Variants in OIT3 observed in about 807,000 individuals in gnomAD.
The protein encoded by OIT3 is oncoprotein-induced transcript 3 protein.
In OIT3, 41 loss-of-function variants were observed where a neutral mutation model predicts 52.2. That is an observed-to-expected ratio of 0.79 (90% CI 0.61 to 1.02). The LOEUF (loss-of-function observed/expected upper bound fraction) is 1.02. Ranked by LOEUF, OIT3 falls within the 50% of genes least tolerant of loss-of-function variation. The probability of loss-of-function intolerance (pLI) is 0.00; values close to 1 mark genes in which losing one functional copy is unlikely to be tolerated. For missense variants in OIT3, 634 were observed against 715.5 expected (o/e 0.89, Z 1.30); for synonymous variants, 244 against 276.9 (o/e 0.88, Z 1.18).
In OIT3 at chr10:72,932,974, A is replaced by T. The variant is rs1589533830; in HGVS notation, c.*450A>T. 6.5e-6 allele frequency: 1 copy of T among 154,766 alleles called. No homozygotes were observed. The highest frequency in any genetic ancestry group is 2.4e-5 in the African/African-American group (1 of 41,578). The allele number at this position is 154,766 out of a possible 1,614,324, so 9.6% of individuals were successfully genotyped here. A position where few individuals can be genotyped will look rare whatever the true frequency, so the allele number is the denominator to read the frequency against. On this transcript the variant is annotated 3_prime_UTR_variant, in exon 9 of 9. Coordinates refer to ENST00000334011, the MANE Select transcript of OIT3 (RefSeq NM_152635.3). ...GTTATACCTTGAAATTTCAATTCAA[A>T]TGCAGACTAATTATAGGGAATTTGG...
rs182409323 is a variant in OIT3, at chr10:72,905,124, C to T, written c.545-1472C>T. 1.1e-4 allele frequency among the ~76,000 whole-genome samples: 17 copies of T among 152,262 alleles called. No individual in the cohort carries two copies. In the East Asian group the frequency reaches 2.9e-3, roughly 26 times the overall value. On this transcript the variant is annotated intron_variant, in intron 3 of 8. Transcript: ENST00000334011. ...CACCAAGCCATTCACAGGGGACTTG[C>T]CTCCAAGACCTGAACACCTCTCATT...
chr10:72,920,081 C>CT (rs1034245241), intron 6 of OIT3, among the ~76,000 whole-genome samples: 12 of 151,864 alleles, frequency 7.9e-5, no homozygotes, highest in African/African-American at 1.7e-4. Flanking sequence ...TGGTCCTGGG[C>CT]TTTTTTTTGG....
At chr10:72,898,338 G>A (rs1261995288) in intron 1 of OIT3, among the ~76,000 whole-genome samples, 2 of 152,074 alleles carry the variant, frequency 1.3e-5, no homozygotes, top group East Asian at 3.9e-4. Flanking sequence ...TCAGAGTGTG[G>A]TCTGACTCGT....
chr10:72,900,508 A>G, intron 3 of OIT3, 24 bp downstream of exon 3: 1 of 1,310,008 alleles, frequency 7.6e-7, no homozygotes, highest in Non-Finnish European at 1.1e-6. Context: ...CAAAGGTAGA[A>G]TCAGGCTATT....
chr10:72,906,487 T>C (rs1328701025), intron 3 of OIT3, 109 bp from the exon 4 acceptor site: 2 of 1,190,050 alleles, frequency 1.7e-6, no homozygotes, highest in Non-Finnish European at 2.4e-6. Flanking sequence ...AGCTGGATGG[T>C]GGAAGGTGCA....
intron 6 of OIT3, chr10:72,918,448 G>T: frequency 1.2e-6 from 1 of 863,500 alleles, no homozygotes; most frequent in Non-Finnish European, 2.0e-6. Flanking sequence ...ACCTTAAAGT[G>T]ATCATCTTTG....
intron 6 of OIT3, among the ~76,000 whole-genome samples, chr10:72,921,005 T>C (rs1196509711): frequency 6.6e-6 from 1 of 152,174 alleles, no homozygotes; most frequent in Non-Finnish European, 1.5e-5. Context: ...GATGATCTAA[T>C]ATTGTCAGTG....
At position 72,898,875 on chromosome 10, in the gene OIT3, C is replaced by A. The variant is rs1231791006; in HGVS notation, c.273C>A (p.Ser91Arg). 1 of 1,614,038 alleles carries A rather than the reference C, an allele frequency of 6.2e-7. No homozygotes were observed. Among genetic ancestry groups the A allele is most frequent in the African/African-American group, 1.3e-5 (1 of 74,914 alleles). Residue 91 changes from serine (S) to arginine (R), a missense_variant, in exon 2 of 9, where the codon AGC (serine) becomes AGA (arginine). Transcript: ENST00000334011. ...ACGCACCTGTCTGGCTCAATGGCAG[C>A]CACCCCCTAGAAGGCGACGGCATTG... ...GTHAPVWLNG[S>R]HPLEGDGIVQ...
At chr10:72,906,137 T>G (rs1451885676) in intron 3 of OIT3, among the ~76,000 whole-genome samples, 1 of 152,210 alleles carries the variant, frequency 6.6e-6, no homozygotes, top group Non-Finnish European at 1.5e-5. Flanking sequence ...ATTTTGAGGG[T>G]AATAGTTCAT....
At chr10:72,929,893 G>A (rs1589532530) in intron 7 of OIT3, among the ~76,000 whole-genome samples, 1 of 152,068 alleles carries the variant, frequency 6.6e-6, no homozygotes, top group South Asian at 2.1e-4. Flanking sequence ...TAGGTGTTTT[G>A]CTTTAAGCAG....
intron 7 of OIT3, among the ~76,000 whole-genome samples, 179 bp from the exon 8 acceptor site, chr10:72,930,359 T>C (rs577971656): frequency 3.3e-5 from 5 of 152,352 alleles, no homozygotes; most frequent in Non-Finnish European, 2.9e-5. Flanking sequence ...TAAATAAGGC[T>C]AGGTCTGAAG....
At chr10:72,914,815 G>C (rs1286731420) in intron 6 of OIT3, among the ~76,000 whole-genome samples, 1 of 152,148 alleles carries the variant, frequency 6.6e-6, no homozygotes, top group Admixed American at 6.5e-5. Flanking sequence ...GGTATTATGA[G>C]TAACACTCCA....
At position 72,930,620 on chromosome 10, in the gene OIT3, G is replaced by A; in HGVS notation, c.1450G>A (p.Val484Met). 2 of 1,609,782 alleles carry A rather than the reference G, an allele frequency of 1.2e-6. No homozygotes were observed. The highest frequency in any genetic ancestry group is 1.7e-6 in the Non-Finnish European group (2 of 1,176,964). ...KHFQVPVFKF[V>M]GKDHKEVFLH... ...CTTCCAGGTCCCTGTCTTCAAGTTT[G>A]TGGGCAAAGACCACAAGGTGAGTTG... Residue 484 changes from valine (V) to methionine (M), a missense_variant, in exon 8 of 9, where the codon GTG (valine) becomes ATG (methionine). By Grantham distance (21) the Val-to-Met change is conservative. Transcript: ENST00000334011.
chr10:72,917,065 T>C (rs1846079088), intron 6 of OIT3, among the ~76,000 whole-genome samples: 1 of 152,212 alleles, frequency 6.6e-6, no homozygotes, highest in South Asian at 2.1e-4. Context: ...ATGCTGGATA[T>C]TAGACCTTCA....
intron 7 of OIT3, among the ~76,000 whole-genome samples, chr10:72,929,948 A>C (rs1430499242): frequency 6.6e-6 from 1 of 152,194 alleles, no homozygotes; most frequent in Non-Finnish European, 1.5e-5. Flanking sequence ...ACTGCAATTT[A>C]ACATTAAATT....
At chr10:72,899,724 G>A (rs1156818406) in intron 2 of OIT3, among the ~76,000 whole-genome samples, 1 of 149,472 alleles carries the variant, frequency 6.7e-6, no homozygotes, top group Non-Finnish European at 1.5e-5. Context: ...TAGATAGATA[G>A]ATAGATAGAT....
intron 1 of OIT3, among the ~76,000 whole-genome samples, chr10:72,895,408 A>G (rs1314241570): frequency 6.6e-6 from 1 of 152,074 alleles, no homozygotes; most frequent in African/African-American, 2.4e-5. Flanking sequence ...CCAGCTCCTC[A>G]AGGATGATAT....
chr10:72,904,539 C>T (rs879885520), intron 3 of OIT3, among the ~76,000 whole-genome samples: 5 of 152,178 alleles, frequency 3.3e-5, no homozygotes, highest in Non-Finnish European at 7.3e-5. Flanking sequence ...ATATTATCAA[C>T]ATTTTGCATT....
rs146616229 is a variant in OIT3 at position 72,919,807 on chromosome 10, C to G, written c.952-4422C>G. On this transcript the variant is annotated intron_variant, in intron 6 of 8. Coordinates refer to ENST00000334011, the MANE Select transcript of OIT3 (RefSeq NM_152635.3). ...ATCCTGGGGATGAAGCCTACTTGAT[C>G]GTGGTGAATAAGATTTTTGATGTGC... Among the ~76,000 whole-genome samples the G allele has an allele frequency of 3.0e-3, 453 of 152,176 alleles. 3 individuals carry two copies. The highest frequency in any genetic ancestry group is 0.01 in the African/African-American group (428 of 41,512).
Sources: allele counts gnomAD v4.1 joint callset (sites outside exome capture counted in the v4.1 genomes callset), GRCh38; gene constraint gnomAD v4.1.1; transcripts MANE v1.5; gene names NCBI Gene and HGNC (gene_info 2026-07-23, HGNC 2026-07-21).